ATM: variants seen among roughly 807,000 people sequenced by gnomAD.
ATM encodes the protein serine-protein kinase ATM.
In ATM, 308 loss-of-function variants were observed where a neutral mutation model predicts 387.0. That is an observed-to-expected ratio of 0.80 (90% CI 0.73 to 0.87). ATM has a LOEUF of 0.87. Ranked by LOEUF, ATM falls within the 40% of genes least tolerant of loss-of-function variation. ATM has a pLI of 0.00. For missense variants in ATM, 3,312 were observed against 3,560.9 expected, an observed-to-expected ratio of 0.93 and a Z score of 1.78; for synonymous variants, 1,156 against 1,187.3, an observed-to-expected ratio of 0.97 and a Z score of 0.54.
chr11:108,274,401 C>T (rs774260039), intron 22 of ATM, among the ~76,000 whole-genome samples: 58 of 151,966 alleles, frequency 3.8e-4, no homozygotes, highest in Middle Eastern at 3.2e-3. Flanking sequence ...TATTTCTTGT[C>T]TTCTGCTAGC....
chr11:108,319,897 A>T, intron 43 of ATM, 57 bp from the exon 44 acceptor site: 1 of 1,224,060 alleles, frequency 8.2e-7, no homozygotes, highest in Non-Finnish European at 1.2e-6. Flanking sequence ...CTATTTATAC[A>T]TGTATATCTT....
chr11:108,267,749 C>T (rs912444748), intron 17 of ATM, among the ~76,000 whole-genome samples: 2 of 152,016 alleles, frequency 1.3e-5, no homozygotes, highest in South Asian at 2.1e-4. Context: ...CCCAGCTACT[C>T]GGGAGGCTGA....
chr11:108,335,717 T>C (rs1249207240), intron 55 of ATM, 128 bp from the exon 56 acceptor site: 11 of 705,440 alleles, frequency 1.6e-5, no homozygotes, highest in Non-Finnish European at 2.5e-5. Flanking sequence ...ATTTAATTAT[T>C]TGGGAGACTG....
At chr11:108,330,096 CT>C in intron 49 of ATM, 117 bp from the exon 50 acceptor site, 1 of 1,114,968 alleles carries the variant, frequency 9.0e-7, no homozygotes, top group Non-Finnish European at 1.3e-6. Context: ...TAGAAGTTTG[CT>C]TTTTTCCCTG....
chr11:108,257,607 G>C lies in ATM; in HGVS notation c.2376+1G>C, dbSNP rs730881347. 6.2e-7 allele frequency: 1 copy of C among 1,613,264 alleles called. No homozygotes were observed. Among genetic ancestry groups the C allele is most frequent in the Non-Finnish European group, 8.5e-7 (1 of 1,179,914 alleles). ...ACGTTGCTTGAGCAACTGTACCAAGGTAAGATTTTCTTCTTCTTGTTTTGT... is the reference window on the plus strand; with the variant it reads ...ACGTTGCTTGAGCAACTGTACCAAGCTAAGATTTTCTTCTTCTTGTTTTGT... On this transcript the variant is annotated splice_donor_variant, in intron 15 of 62. Coordinates refer to ENST00000675843, the MANE Select transcript of ATM (RefSeq NM_000051.4). LOFTEE classifies it high-confidence loss of function.
In ATM at chr11:108,293,359, A is replaced by C. The variant is rs587778075; in HGVS notation, c.4658A>C (p.Glu1553Ala). The C allele has an allele frequency of 1.4e-5, 23 of 1,592,882 alleles. No individual in the cohort carries two copies. The African/African-American group carries it at 2.7e-4, about 19-fold the overall frequency. The part of the protein sequence containing the change: ...KYLVIDNKDN[E>A]NLYITIKLLD... ...TTAGTGATAGATAACAAGGATAATG[A>C]AAACCTCTATATCACGATTAAGCTT... The change falls in exon 31 of 63, where the codon GAA (glutamate) becomes GCA (alanine). Residue 1553 changes from glutamate (E) to alanine (A), a missense_variant. Glu to Ala is a moderately radical substitution (Grantham distance 107). Around this residue, in one of 4 missense-constraint regions of ATM, gnomAD observed 1,791 missense variants for 1,804.5 expected, o/e 0.99. Coordinates refer to ENST00000675843, the MANE Select transcript of ATM (RefSeq NM_000051.4).
Position 108,331,435 on chromosome 11 carries a change from TA to T in ATM, c.7516-7del, listed in dbSNP as rs1591166840. ...GTTTCTTAATTTTGTGTCTTTTTTT[TA>T]ATGGTAGAGAGACGGAATGAAGATT... On this transcript the variant is annotated splice_region_variant and splice_polypyrimidine_tract_variant and intron_variant, in intron 50 of 62. Transcript: ENST00000675843. 6.2e-7 allele frequency: 1 copy of T among 1,611,562 alleles called. No individual in the cohort carries two copies. The highest frequency in any genetic ancestry group is 8.5e-7 in the Non-Finnish European group (1 of 1,178,916).
At chr11:108,259,499 T>A (rs886542254) in intron 16 of ATM, among the ~76,000 whole-genome samples, 18 of 152,070 alleles carry the variant, frequency 1.2e-4, no homozygotes, top group African/African-American at 3.9e-4. Flanking sequence ...AATAAAAAAA[T>A]TTAAAAAATT....
At chr11:108,332,505 CAGT>C (rs2086372529) in intron 52 of ATM, among the ~76,000 whole-genome samples, 2 of 151,912 alleles carry the variant, frequency 1.3e-5, no homozygotes, top group African/African-American at 2.4e-5. Context: ...TAGGAGATAC[CAGT>C]AGTAGTTTAC....
At position 108,268,615 on chromosome 11, in the gene ATM, T is replaced by C. The variant is rs781730571; in HGVS notation, c.2838+6T>C. The C allele has an allele frequency of 6.2e-7, 1 of 1,613,182 alleles. No individual in the cohort carries two copies. Among genetic ancestry groups the C allele is most frequent in the Non-Finnish European group, 8.5e-7 (1 of 1,179,466 alleles). On this transcript the variant is annotated splice_donor_region_variant and intron_variant, in intron 18 of 62. Coordinates refer to ENST00000675843, the MANE Select transcript of ATM (RefSeq NM_000051.4). ...AATCCCTCCACCTGCATATGGTGAG[T>C]TACGTTAAATGAAGAAGCTCTTGGA...
In ATM at chr11:108,244,105, A is replaced by G. The variant is rs547045780; in HGVS notation, c.649A>G (p.Ile217Val). 1.5e-5 allele frequency: 24 copies of G among 1,613,784 alleles called. No homozygotes were observed. The highest frequency in any genetic ancestry group is 1.4e-4 in the South Asian group (13 of 91,082). Residue 217 changes from isoleucine (I) to valine (V), a missense_variant, in exon 6 of 63, where the codon ATT becomes GTT. Around this residue, in one of 4 missense-constraint regions of ATM, gnomAD observed 1,791 missense variants for 1,804.5 expected, o/e 0.99. Coordinates refer to ENST00000675843, the MANE Select transcript of ATM (RefSeq NM_000051.4). ...SKFLDFFSKA[I>V]QCARQEKSSS... is the part of the protein sequence containing the mutation. ...ATTTTTGGACTTTTTTTCCAAGGCT[A>G]TTCAGTGTGCGAGGTAATCTAATCT... is the stretch of plus-strand genomic sequence containing the variant.
rs768461085 is a variant in ATM at position 108,330,288 on chromosome 11, G to A, written c.7382G>A (p.Arg2461His). The A allele has an allele frequency of 3.2e-5, 51 of 1,614,066 alleles. No individual in the cohort carries two copies. Among genetic ancestry groups the A allele is most frequent in the Admixed American group, 1.7e-4 (10 of 59,998 alleles). ...CGTGCACTGAAAGAGGATCGTAAAC[G>A]CTTCTTATGTAAAGCAGTTGAAAAT... ...ALRALKEDRK[R>H]FLCKAVENYI... is the part of the protein sequence containing the mutation. Residue 2461 changes from arginine (R) to histidine (H), a missense_variant, in exon 50 of 63, where the codon CGC becomes CAC. Physicochemically the swap from Arg to His is conservative, Grantham distance 29 (BLOSUM62 0). This residue lies in a region of ATM where 1,405 missense variants were observed against 1,604.4 expected (regional missense o/e 0.88). Transcript: ENST00000675843.
intron 4 of ATM, among the ~76,000 whole-genome samples, chr11:108,232,686 C>T (rs1345614983): frequency 1.3e-5 from 2 of 151,320 alleles, no homozygotes; most frequent in African/African-American, 2.4e-5. Context: ...ACTATAGGCA[C>T]ACGCCGCCAG....
At chr11:108,331,166 T>C in intron 50 of ATM, 2 of 1,126,968 alleles carry the variant, frequency 1.8e-6, no homozygotes, top group Non-Finnish European at 2.2e-6. Flanking sequence ...TTTGTCTTCC[T>C]TAGATTTTTT....
At chr11:108,326,303 TAAC>T (rs781604140) in intron 47 of ATM, 78 bp downstream of exon 47, 6 of 1,523,566 alleles carry the variant, frequency 3.9e-6, no homozygotes, top group East Asian at 4.9e-5. Context: ...ATATTTTTAA[TAAC>T]AATTTTATTA....
intron 4 of ATM, among the ~76,000 whole-genome samples, chr11:108,234,548 G>A (rs920562836): frequency 6.6e-6 from 1 of 152,138 alleles, no homozygotes; most frequent in Non-Finnish European, 1.5e-5. Context: ...AATGACACAG[G>A]TACAGGGGTC....
intron 22 of ATM, among the ~76,000 whole-genome samples, chr11:108,278,036 G>T (rs940580953): frequency 1.3e-5 from 2 of 151,732 alleles, no homozygotes; most frequent in African/African-American, 2.4e-5. Context: ...ATAAATGAAT[G>T]TACTTGAAAA....
In ATM at chr11:108,282,465, GTTGGAAACTC is replaced by G. The variant is rs138417879; in HGVS notation, c.3577-242_3577-233del. On this transcript the variant is annotated intron_variant, in intron 24 of 62. Coordinates refer to ENST00000675843, the MANE Select transcript of ATM (RefSeq NM_000051.4). ...AATCTTCCTTTAAGTATAACCAAAT[GTTGGAAACTC>G]TTAGCATATTTTTATATTTTTATTT... Among the ~76,000 whole-genome samples the G allele has an allele frequency of 0.014, 2,166 of 152,170 alleles. 60 individuals are homozygous for G. The highest frequency in any genetic ancestry group is 0.049 in the African/African-American group (2,019 of 41,534).
At chr11:108,233,847 T>C (rs555614719) in intron 4 of ATM, among the ~76,000 whole-genome samples, 104 of 146,740 alleles carry the variant, frequency 7.1e-4, no homozygotes, top group Middle Eastern at 3.8e-3. Context: ...ATATTCTGTC[T>C]CAAAAACAAG....
Sources: allele counts gnomAD v4.1 joint callset (sites outside exome capture counted in the v4.1 genomes callset), GRCh38; gene constraint gnomAD v4.1.1; regional missense constraint gnomAD v4.1.1; transcripts MANE v1.5; gene names NCBI Gene and HGNC (gene_info 2026-07-23, HGNC 2026-07-21).